The following ITGAE variants were observed in gnomAD, a reference collection of about 807,000 sequenced individuals.
The protein encoded by ITGAE is integrin subunit alpha E.
Under a neutral mutation model 136.5 loss-of-function variants are expected in ITGAE, and 99 were observed. The observed-to-expected ratio is 0.73, with a 90% CI of 0.62 to 0.86. The LOEUF is 0.86. ITGAE is among the 40% of genes least tolerant of loss of function. The pLI is 0.00. For missense variants in ITGAE, 1,447 were observed against 1,515.3 expected, an observed-to-expected ratio of 0.95 and a Z score of 0.75; for synonymous variants, 613 against 591.8, an observed-to-expected ratio of 1.04 and a Z score of -0.52.
intron 2 of ITGAE, among the ~76,000 whole-genome samples, chr17:3,769,017 G>T (rs753287037): frequency 2.0e-5 from 3 of 152,002 alleles, no homozygotes; most frequent in Non-Finnish European, 4.4e-5. Flanking sequence ...CCCAAATTAG[G>T]TTGCTTCCTT....
chr17:3,781,520 G>A (rs993745052), intron 1 of ITGAE, among the ~76,000 whole-genome samples: 6 of 152,036 alleles, frequency 3.9e-5, no homozygotes, highest in African/African-American at 7.2e-5. Context: ...CATCATGCCC[G>A]GCTAATATTG....
At chr17:3,733,775 G>A (rs922707407) in intron 21 of ITGAE, among the ~76,000 whole-genome samples, 1 of 152,202 alleles carries the variant, frequency 6.6e-6, no homozygotes, top group African/African-American at 2.4e-5. Flanking sequence ...GTTATTAAAG[G>A]ACTCCAGGGA....
chr17:3,797,158 T>TATATATA (rs1491339983), intron 1 of ITGAE, among the ~76,000 whole-genome samples: 26 of 4,376 alleles, frequency 5.9e-3, no homozygotes, highest in African/African-American at 0.013. Flanking sequence ...TATATATATA[T>TATATATA]TTTTTTTTTT....
chr17:3,733,886 G>T (rs1270905906), intron 21 of ITGAE, among the ~76,000 whole-genome samples: 1 of 152,204 alleles, frequency 6.6e-6, no homozygotes, highest in African/African-American at 2.4e-5. Flanking sequence ...CTGTGAATCA[G>T]ACCCAGGGCC....
chr17:3,776,015 T>C (rs1428977055), intron 2 of ITGAE, among the ~76,000 whole-genome samples: 2 of 152,062 alleles, frequency 1.3e-5, no homozygotes, highest in African/African-American at 2.4e-5. Flanking sequence ...TAAAGTAATG[T>C]TTATTGAGCA....
intron 2 of ITGAE, among the ~76,000 whole-genome samples, chr17:3,770,081 C>A (rs1373057479): frequency 6.6e-6 from 1 of 151,682 alleles, no homozygotes; most frequent in African/African-American, 2.4e-5. Flanking sequence ...CCAGCTCTAA[C>A]CTGTCCTGTT....
intron 20 of ITGAE, among the ~76,000 whole-genome samples, chr17:3,735,190 G>A (rs570414846): frequency 3.9e-5 from 6 of 152,044 alleles, no homozygotes; most frequent in East Asian, 1.9e-4. Flanking sequence ...TTTTTGAGAC[G>A]GAGTTTCGTT....
chr17:3,766,792 AAATAAT>A (rs146384772), intron 2 of ITGAE, among the ~76,000 whole-genome samples: 22,548 of 136,612 alleles, frequency 0.17, 2,173 homozygotes, highest in East Asian at 0.41. Context: ...AAAGAGTGCA[AAATAAT>A]AATAATAATA....
chr17:3,747,794 T>G (rs2051752904), intron 17 of ITGAE, 128 bp downstream of exon 17: 1 of 680,174 alleles, frequency 1.5e-6, no homozygotes, highest in Non-Finnish European at 2.3e-6. Flanking sequence ...ATCGAGGGAT[T>G]TCAAGCACCA....
At chr17:3,760,611 G>A (rs1277143121) in intron 6 of ITGAE, among the ~76,000 whole-genome samples, 2 of 151,486 alleles carry the variant, frequency 1.3e-5, no homozygotes, top group African/African-American at 4.9e-5. Flanking sequence ...GCTAATTTTT[G>A]AATTTTCTAG....
In ITGAE at chr17:3,799,287, G is replaced by A. The variant is rs924532457; in HGVS notation, c.34+1824C>T. On this transcript the variant is annotated intron_variant, in intron 1 of 30. Transcript: ENST00000263087. This position sits in a 1 kb window ranked among gnomAD's most constrained non-coding sequence, Gnocchi z 4.1. ...CAGCCTCGTTTCCGCCACCCACACC[G>A]GAGCTGCGGGGGCCCTGCTCTGGTC... 2.0e-5 allele frequency among the ~76,000 whole-genome samples: 3 copies of A among 152,154 alleles called. No individual in the cohort carries two copies. The highest frequency in any genetic ancestry group is 6.5e-5 in the Admixed American group (1 of 15,276).
intron 1 of ITGAE, among the ~76,000 whole-genome samples, chr17:3,779,489 G>A (rs1004619718): frequency 1.3e-4 from 19 of 151,932 alleles, no homozygotes; most frequent in African/African-American, 4.1e-4. Flanking sequence ...CACCATGCCC[G>A]GCTAATTTTT....
intron 1 of ITGAE, among the ~76,000 whole-genome samples, chr17:3,787,615 TA>T: frequency 6.6e-6 from 1 of 152,248 alleles, no homozygotes; most frequent in Middle Eastern, 3.4e-3. Flanking sequence ...CTGTTGGGCA[TA>T]TGTCTAACCG....
intron 26 of ITGAE, 185 bp from the exon 27 acceptor site, chr17:3,723,929 G>C: frequency 6.5e-7 from 1 of 1,543,228 alleles, no homozygotes; most frequent in East Asian, 2.3e-5. Context: ...CTTGGCGGGT[G>C]CCGGCCATGG....
intron 1 of ITGAE, among the ~76,000 whole-genome samples, chr17:3,795,354 G>A (rs989137474): frequency 8.5e-5 from 13 of 152,206 alleles, no homozygotes; most frequent in Non-Finnish European, 1.6e-4. Flanking sequence ...AGGTCAGAGT[G>A]GGCCAGATAT....
intron 3 of ITGAE, among the ~76,000 whole-genome samples, chr17:3,762,739 G>T (rs569801073): frequency 2.0e-5 from 3 of 150,970 alleles, no homozygotes; most frequent in African/African-American, 2.4e-5. Context: ...CTGGGACTAC[G>T]TGTGCCCGTC....
At chr17:3,761,295 C>A (rs2052161689) in intron 5 of ITGAE, 108 bp downstream of exon 5, 4 of 1,545,012 alleles carry the variant, frequency 2.6e-6, no homozygotes, top group South Asian at 1.2e-5. Context: ...TGCCTTGCTC[C>A]ACTGTGGGCC....
rs773926099 is a variant in ITGAE, at chr17:3,761,093, G to T, written c.518C>A (p.Thr173Lys). 18 of 1,612,430 alleles carry T rather than the reference G, an allele frequency of 1.1e-5. No homozygotes were observed. Among genetic ancestry groups the T allele is most frequent in the African/African-American group, 5.3e-5 (4 of 74,872 alleles). Residue 173 changes from threonine (T) to lysine (K), a missense_variant, in exon 6 of 31, where the codon ACA becomes AAA. This residue lies in a region of ITGAE where 310 missense variants were observed against 416.1 expected (regional missense o/e 0.74). Transcript: ENST00000263087. ...KEGGGEDDVN[T>K]ARQRRALEKE... Reference sequence around the variant, plus strand: ...CTCCAGAGCCCGGCGCTGCCTGGCTGTGTTCACATCGTCTTCTCCACCGCC... The same window carrying T: ...CTCCAGAGCCCGGCGCTGCCTGGCTTTGTTCACATCGTCTTCTCCACCGCC...
intron 26 of ITGAE, 50 bp downstream of exon 26, chr17:3,727,869 G>T (rs769122376): frequency 1.8e-6 from 2 of 1,108,668 alleles, no homozygotes; most frequent in South Asian, 1.2e-5. Context: ...TTGAGACTCT[G>T]TAGTCACTGT....
Sources: gnomAD v4.1 joint callset for allele counts (sites outside exome capture counted in the v4.1 genomes callset) on GRCh38, gnomAD v4.1.1 for gene constraint, gnomAD v4.1.1 regional missense constraint, Gnocchi (gnomAD v3.1) non-coding constraint, MANE v1.5 for transcripts, NCBI Gene and HGNC (gene_info 2026-07-23, HGNC 2026-07-21) for gene names.